NEDD1: variants seen among roughly 807,000 people sequenced by gnomAD.
NEDD1 encodes protein NEDD1.
A neutral mutation model predicts 74.0 loss-of-function variants in NEDD1; 33 were observed. That is an observed-to-expected ratio of 0.45 (90% CI 0.34 to 0.60). The LOEUF (loss-of-function observed/expected upper bound fraction) is 0.60. NEDD1 is among the 20% of genes least tolerant of loss of function. The pLI is 0.01. For missense variants in NEDD1, 746 were observed against 776.5 expected (o/e 0.96, Z 0.47); for synonymous variants, 250 against 264.4 (o/e 0.95, Z 0.53).
Position 96,912,747 on chromosome 12 carries a change from C to T in NEDD1, c.161C>T (p.Ser54Phe). ...GATAACTTTTTAGTAACAGCATCTT[C>T]CAGTGGCGACAAAATAGTTGTCTCA... Reference protein sequence around the residue: ...SNNNFLVTASSSGDKIVVSSC... With the variant: ...SNNNFLVTASFSGDKIVVSSC... Residue 54 changes from serine to phenylalanine, a missense_variant, in exon 4 of 16, where the codon TCC becomes TTC. Coordinates refer to ENST00000266742, the MANE Select transcript of NEDD1 (RefSeq NM_152905.4). The T allele has an allele frequency of 6.2e-7, 1 of 1,603,134 alleles. No homozygotes were observed. Among genetic ancestry groups the T allele is most frequent in the East Asian group, 2.2e-5 (1 of 44,762 alleles).
chr12:96,947,235 A>C (rs1592933870), intron 14 of NEDD1, among the ~76,000 whole-genome samples: 1 of 152,122 alleles, frequency 6.6e-6, no homozygotes, highest in East Asian at 1.9e-4. Flanking sequence ...GGAGTGCATA[A>C]ATATTTATGG....
chr12:96,914,190 T>C (rs1458349452), intron 4 of NEDD1, among the ~76,000 whole-genome samples: 2 of 152,212 alleles, frequency 1.3e-5, no homozygotes, highest in Non-Finnish European at 2.9e-5. Context: ...CATCTTTGGA[T>C]CTTTGTATCC....
Position 96,912,792 on chromosome 12 carries a change from T to C in NEDD1, c.206T>C (p.Val69Ala). The C allele has an allele frequency of 6.2e-7, 1 of 1,605,726 alleles. No individual in the cohort carries two copies. The highest frequency in any genetic ancestry group is 8.5e-7 in the Non-Finnish European group (1 of 1,173,200). ...IVVSSCKCKP[V>A]PLLELAEGQK... ...GTCTCAAGTTGCAAATGTAAACCTG[T>C]TCCACTTTTAGAGCTTGCTGAAGGG... Residue 69 changes from valine to alanine, a missense_variant, in exon 4 of 16, where the codon GTT becomes GCT. Around this residue, in one of 3 missense-constraint regions of NEDD1, gnomAD observed 706 missense variants for 706.7 expected, o/e 1.00. Transcript: ENST00000266742.
At chr12:96,943,534 G>T in intron 11 of NEDD1, 26 bp from the exon 12 acceptor site, 1 of 1,543,276 alleles carries the variant, frequency 6.5e-7, no homozygotes. Flanking sequence ...GACACCATAT[G>T]CACATGCAGT....
Position 96,909,906 on chromosome 12 carries a change from A to T in NEDD1, c.136+11A>T. The T allele has an allele frequency of 9.3e-7, 1 of 1,079,190 alleles. No individual in the cohort carries two copies. 66.9% of individuals were successfully genotyped at this position (1,079,190 alleles called of 1,614,324 possible). On this transcript the variant is annotated intron_variant, in intron 3 of 15. Coordinates refer to ENST00000266742, the MANE Select transcript of NEDD1 (RefSeq NM_152905.4). ...GTTGGAGCAGCAATAGTATCCTTTAAAAAAAAAAAACACACACACACACAC... is the reference window on the plus strand; with the variant it reads ...GTTGGAGCAGCAATAGTATCCTTTATAAAAAAAAAACACACACACACACAC...
At chr12:96,925,825 A>T (rs920334579) in intron 6 of NEDD1, among the ~76,000 whole-genome samples, 1 of 152,202 alleles carries the variant, frequency 6.6e-6, no homozygotes, top group Non-Finnish European at 1.5e-5. Flanking sequence ...AGAACTTGAG[A>T]TCTTCATGGG....
chr12:96,921,311 A>G (rs1222575846), intron 6 of NEDD1, among the ~76,000 whole-genome samples: 1 of 152,050 alleles, frequency 6.6e-6, no homozygotes, highest in East Asian at 1.9e-4. Flanking sequence ...TCTCCCAAGT[A>G]ACTGGGATTA....
intron 14 of NEDD1, among the ~76,000 whole-genome samples, chr12:96,950,748 G>T (rs913886486): frequency 6.6e-6 from 1 of 151,876 alleles, no homozygotes; most frequent in Non-Finnish European, 1.5e-5. Context: ...TTTCCCAAGA[G>T]TTAAGTGATA....
intron 14 of NEDD1, among the ~76,000 whole-genome samples, chr12:96,949,641 G>C (rs2136630098): frequency 6.6e-6 from 1 of 152,166 alleles, no homozygotes; most frequent in African/African-American, 2.4e-5. Context: ...TTATTTGTCA[G>C]ATGAATACAC....
intron 10 of NEDD1, among the ~76,000 whole-genome samples, chr12:96,941,565 A>C (rs1877664769): frequency 6.6e-6 from 1 of 152,080 alleles, no homozygotes; most frequent in Admixed American, 6.6e-5. Context: ...AGGTGGAGAG[A>C]AAAGTGACTA....
At chr12:96,935,889 C>G (rs1193500060) in intron 7 of NEDD1, among the ~76,000 whole-genome samples, 1 of 152,166 alleles carries the variant, frequency 6.6e-6, no homozygotes, top group East Asian at 1.9e-4. Flanking sequence ...TTACCACTGT[C>G]TGTAGATCAT....
chr12:96,909,716 A>G (rs1400673019), intron 2 of NEDD1, 36 bp from the exon 3 acceptor site: 1 of 1,561,138 alleles, frequency 6.4e-7, no homozygotes, highest in Non-Finnish European at 8.8e-7. Context: ...CTATTCTTAA[A>G]TGTTTTTAAA....
intron 13 of NEDD1, among the ~76,000 whole-genome samples, chr12:96,945,298 G>A (rs1019950618): frequency 6.6e-6 from 1 of 151,992 alleles, no homozygotes; most frequent in African/African-American, 2.4e-5. Context: ...TATTGCATTA[G>A]CTTAAACTCT....
intron 3 of NEDD1, among the ~76,000 whole-genome samples, chr12:96,910,753 G>T (rs1284316941): frequency 6.6e-6 from 1 of 152,094 alleles, no homozygotes; most frequent in African/African-American, 2.4e-5. Context: ...TGACCACAGT[G>T]CTCCTATCAC....
At chr12:96,917,305 G>C (rs1199020173) in intron 4 of NEDD1, among the ~76,000 whole-genome samples, 1 of 152,176 alleles carries the variant, frequency 6.6e-6, no homozygotes, top group Admixed American at 6.5e-5. Flanking sequence ...ATCAAGAGGA[G>C]ATAGGATGGG....
rs1878772895 is a variant in NEDD1, at chr12:96,952,155, T to A, written c.*102T>A. 3 of 668,768 alleles carry A rather than the reference T, an allele frequency of 4.5e-6. No homozygotes were observed. The highest frequency in any genetic ancestry group is 7.9e-6 in the Non-Finnish European group (3 of 377,878). 41.4% of individuals were successfully genotyped at this position (668,768 alleles called of 1,614,324 possible). On this transcript the variant is annotated 3_prime_UTR_variant, in exon 16 of 16. Coordinates refer to ENST00000266742, the MANE Select transcript of NEDD1 (RefSeq NM_152905.4). ...TTTCATGGCCTCCAGGGAAAAAATG[T>A]TTTTCAAGTAAGAGTAAAAGGATGA...
intron 4 of NEDD1, among the ~76,000 whole-genome samples, chr12:96,917,083 T>C (rs1818955412): frequency 6.6e-6 from 1 of 152,198 alleles, no homozygotes; most frequent in South Asian, 2.1e-4. Flanking sequence ...CAGGCTTTGA[T>C]GACCTGATGT....
In NEDD1 at chr12:96,935,095, T is replaced by G. The variant is rs942053179; in HGVS notation, c.609T>G (p.Ser203Arg). 1 of 1,612,002 alleles carries G rather than the reference T, an allele frequency of 6.2e-7. No individual in the cohort carries two copies. The highest frequency in any genetic ancestry group is 8.5e-7 in the Non-Finnish European group (1 of 1,178,134). The change falls in exon 7 of 16, where the codon AGT becomes AGG. Residue 203 changes from serine to arginine, a missense_variant. Coordinates refer to ENST00000266742, the MANE Select transcript of NEDD1 (RefSeq NM_152905.4). The stretch of plus-strand genomic sequence containing the variant: ...AGAGTCCATACCATAACTTTGACAG[T>G]GTACACAAAGCTCCAGCGTCAGGCA... ...NSQSPYHNFD[S>R]VHKAPASGIC...
chr12:96,937,439 T>C (rs768169633), intron 9 of NEDD1, 46 bp downstream of exon 9: 18 of 1,110,826 alleles, frequency 1.6e-5, no homozygotes, highest in Non-Finnish European at 2.1e-5. Context: ...TGTTTTTTTT[T>C]TGTTTTTTTG....
Sources: allele counts gnomAD v4.1 joint callset (sites outside exome capture counted in the v4.1 genomes callset), GRCh38; gene constraint gnomAD v4.1.1; regional missense constraint gnomAD v4.1.1; transcripts MANE v1.5; gene names NCBI Gene and HGNC (gene_info 2026-07-23, HGNC 2026-07-21).